The following GPA33 variants were observed in gnomAD, a reference collection of about 807,000 sequenced individuals.
GPA33 encodes cell surface A33 antigen.
Under a neutral mutation model 35.6 loss-of-function variants are expected in GPA33, and 27 were observed. The ratio of observed to expected loss-of-function variants is 0.76; its 90% CI spans 0.56 to 1.04. The LOEUF is 1.04. Ranked by LOEUF, GPA33 falls within the 50% of genes least tolerant of loss-of-function variation. GPA33 has a pLI of 0.00. For missense variants in GPA33, 428 were observed against 411.9 expected, an observed-to-expected ratio of 1.04 and a Z score of -0.34; for synonymous variants, 176 against 164.0, an observed-to-expected ratio of 1.07 and a Z score of -0.56.
intron 1 of GPA33, chr1:167,082,139 A>G (rs1431757499): frequency 7.3e-6 from 3 of 411,328 alleles, no homozygotes; most frequent in African/African-American, 2.1e-5. Flanking sequence ...CAGGATGCAA[A>G]ACTGTGCATA....
chr1:167,083,999 G>C (rs1481227788), intron 1 of GPA33, among the ~76,000 whole-genome samples: 1 of 152,122 alleles, frequency 6.6e-6, no homozygotes, highest in Non-Finnish European at 1.5e-5. Flanking sequence ...CAGCCAGATT[G>C]CCTGCCCCCA....
Position 167,054,239 on chromosome 1 carries a change from G to T in GPA33, c.*95C>A. 1.4e-6 allele frequency: 2 copies of T among 1,464,656 alleles called. No homozygotes were observed. The highest frequency in any genetic ancestry group is 1.4e-5 in the African/African-American group (1 of 72,048). 90.7% of individuals were successfully genotyped at this position (1,464,656 alleles called of 1,614,324 possible). On this transcript the variant is annotated 3_prime_UTR_variant, in exon 7 of 7. Coordinates refer to ENST00000367868, the MANE Select transcript of GPA33 (RefSeq NM_005814.3). ...GTCCCCATCAATGTCTGGGATGGAG[G>T]GACAGGAGAACAGGGCTTAGAAAGG...
Position 167,061,129 on chromosome 1 carries a change from G to A in GPA33, c.571+2453C>T, listed in dbSNP as rs150107278. On this transcript the variant is annotated intron_variant, in intron 4 of 6. Coordinates refer to ENST00000367868, the MANE Select transcript of GPA33 (RefSeq NM_005814.3). ...CAAAGAAGCTGAGTCACTTGCCAAG[G>A]TCATACAGCTAACAAGTGTCCGAGC... Among the ~76,000 whole-genome samples, 37 of 152,314 alleles carry A rather than the reference G, an allele frequency of 2.4e-4. No homozygotes were observed. The East Asian group carries it at 7.1e-3, about 29-fold the overall frequency.
In GPA33 at chr1:167,054,986, C is replaced by T; in HGVS notation, c.817G>A (p.Asp273Asn). Residue 273 changes from aspartate to asparagine, a missense_variant, in exon 6 of 7, where the codon GAT becomes AAT. Coordinates refer to ENST00000367868, the MANE Select transcript of GPA33 (RefSeq NM_005814.3). ...AGCCCAGACACTCACGGCCTTGCAT[C>T]CTCCTTGTCTTCAGTGTTGTCGTCC... ...GKDDNTEDKE[D>N]ARPNREAYEE... The T allele has an allele frequency of 2.5e-6, 4 of 1,614,092 alleles. No individual in the cohort carries two copies. The highest frequency in any genetic ancestry group is 2.2e-5 in the East Asian group (1 of 44,880).
At chr1:167,065,454 G>A (rs1353423425) in intron 3 of GPA33, among the ~76,000 whole-genome samples, 2 of 152,188 alleles carry the variant, frequency 1.3e-5, no homozygotes, top group East Asian at 3.8e-4. Flanking sequence ...ACAGTGGAGA[G>A]GGTTGCTCCT....
At chr1:167,080,301 C>A (rs1196101407) in intron 1 of GPA33, among the ~76,000 whole-genome samples, 1 of 152,184 alleles carries the variant, frequency 6.6e-6, no homozygotes, top group Non-Finnish European at 1.5e-5. Flanking sequence ...ATGTGTTAAC[C>A]TCCAGGGGTA....
intron 1 of GPA33, among the ~76,000 whole-genome samples, chr1:167,088,706 C>T (rs981478865): frequency 2.6e-5 from 4 of 152,148 alleles, no homozygotes; most frequent in Non-Finnish European, 4.4e-5. Flanking sequence ...GTTTTAAGAT[C>T]GTTTTTCTAA....
In GPA33 at chr1:167,063,623, C is replaced by T. The variant is rs1235647175; in HGVS notation, c.530G>A (p.Arg177Lys). Residue 177 changes from arginine (R) to lysine (K), a missense_variant, in exon 4 of 7, where the codon AGG becomes AAG. Transcript: ENST00000367868. ...GSPTPQYSWK[R>K]YNILNQEQPL... ...CTGCTCCTGATTCAGGATGTTGTAC[C>T]TCTTCCAGCTGTACTGAGGGGTTGG... 5 of 1,613,118 alleles carry T rather than the reference C, an allele frequency of 3.1e-6. No homozygotes were observed. The highest frequency in any genetic ancestry group is 3.4e-6 in the Non-Finnish European group (4 of 1,179,618).
intron 5 of GPA33, among the ~76,000 whole-genome samples, 185 bp downstream of exon 5, chr1:167,055,545 C>T (rs1447794754): frequency 6.6e-6 from 1 of 152,116 alleles, no homozygotes; most frequent in East Asian, 1.9e-4. Flanking sequence ...TGGAACTGGA[C>T]TGGCCTCAGA....
At chr1:167,072,510 T>C (rs1186418087) in intron 2 of GPA33, among the ~76,000 whole-genome samples, 1 of 152,330 alleles carries the variant, frequency 6.6e-6, no homozygotes, top group African/African-American at 2.4e-5. Context: ...TTAATTCACA[T>C]ACCCTTTTTC....
In GPA33 at chr1:167,060,743, G is replaced by A. The variant is rs535647404; in HGVS notation, c.571+2839C>T. 1.9e-4 allele frequency among the ~76,000 whole-genome samples: 29 copies of A among 152,304 alleles called. 1 individual carries two copies. Among genetic ancestry groups the A allele is most frequent in the Admixed American group, 9.2e-4 (14 of 15,300 alleles). Reference sequence around the variant, plus strand: ...GGCTGCCCCTTTGTGAGGCTCCTCAGAAGGTACCCGTGGCTTACAGGGCAA... The same window carrying A: ...GGCTGCCCCTTTGTGAGGCTCCTCAAAAGGTACCCGTGGCTTACAGGGCAA... On this transcript the variant is annotated intron_variant, in intron 4 of 6. Coordinates refer to ENST00000367868, the MANE Select transcript of GPA33 (RefSeq NM_005814.3).
chr1:167,073,015 G>GAAAAAA (rs533752715), intron 2 of GPA33, among the ~76,000 whole-genome samples: 1 of 127,604 alleles, frequency 7.8e-6, no homozygotes. Flanking sequence ...AATAGAAATA[G>GAAAAAA]AAAAAAAAAA....
chr1:167,089,328 G>A (rs1667113678), intron 1 of GPA33, among the ~76,000 whole-genome samples: 1 of 152,136 alleles, frequency 6.6e-6, no homozygotes, highest in Non-Finnish European at 1.5e-5. Context: ...CCCAGGCTTG[G>A]TGCTCCTGAG....
rs574822519 is a variant in GPA33, at chr1:167,059,603, T to A, written c.572-3754A>T. ...TTCACAACCGCCTCCCCTTAAGTGC[T>A]CCAGGCCCCAGAACTACCCCCTCCC... On this transcript the variant is annotated intron_variant, in intron 4 of 6. Transcript: ENST00000367868. Among the ~76,000 whole-genome samples the A allele has an allele frequency of 2.6e-5, 4 of 151,688 alleles. No individual in the cohort carries two copies. The East Asian group carries it at 7.8e-4, about 30-fold the overall frequency.
At position 167,069,153 on chromosome 1, in the gene GPA33, A is replaced by C; in HGVS notation, c.199-15T>G. 6.3e-7 allele frequency: 1 copy of C among 1,578,946 alleles called. No individual in the cohort carries two copies. Among genetic ancestry groups the C allele is most frequent in the African/African-American group, 1.3e-5 (1 of 74,334 alleles). On this transcript the variant is annotated splice_polypyrimidine_tract_variant and intron_variant, in intron 2 of 6. Transcript: ENST00000367868. ...ACCACCCTTTCCTGGAGAGAGAAGA[A>C]ATGGCACCAGGTCTTCACCCAAAGG... is the stretch of plus-strand genomic sequence containing the variant.
rs1353968035 is a variant in GPA33, at chr1:167,057,991, G to GTCAGGC, written c.572-2143_572-2142insGCCTGA. On this transcript the variant is annotated intron_variant, in intron 4 of 6. Coordinates refer to ENST00000367868, the MANE Select transcript of GPA33 (RefSeq NM_005814.3). ...AGGCGGGCAGATCACTTGAGGTCAG[G>GTCAGGC]AGTTCGAGACCAGCCTGACTAACAC... 3.9e-5 allele frequency among the ~76,000 whole-genome samples: 6 copies of GTCAGGC among 152,322 alleles called. No individual in the cohort carries two copies. In the East Asian group the frequency reaches 1.2e-3, roughly 29 times the overall value.
chr1:167,079,285 G>T (rs1209355709), intron 1 of GPA33, among the ~76,000 whole-genome samples: 1 of 151,988 alleles, frequency 6.6e-6, no homozygotes, highest in Non-Finnish European at 1.5e-5. Context: ...CTGAGCTCAG[G>T]AATTCGAGAC....
At chr1:167,082,733 T>A (rs531892279) in intron 1 of GPA33, among the ~76,000 whole-genome samples, 2 of 152,242 alleles carry the variant, frequency 1.3e-5, no homozygotes, top group Middle Eastern at 3.4e-3. Flanking sequence ...CCAACAGATA[T>A]ACGTTTTATG....
chr1:167,089,019 G>T (rs1235837086), intron 1 of GPA33, among the ~76,000 whole-genome samples: 2 of 152,216 alleles, frequency 1.3e-5, no homozygotes, highest in African/African-American at 4.8e-5. Context: ...GAGTTGTTTG[G>T]ATAAAGGAAT....
Sources: allele counts gnomAD v4.1 joint callset (sites outside exome capture counted in the v4.1 genomes callset), GRCh38; gene constraint gnomAD v4.1.1; transcripts MANE v1.5; gene names NCBI Gene and HGNC (gene_info 2026-07-23, HGNC 2026-07-21).